The following USP26 variants were observed in gnomAD, a reference collection of about 807,000 sequenced individuals.
USP26 encodes ubiquitin specific peptidase 26.
For synonymous variants in USP26, 236 were observed against 240.6 expected, an observed-to-expected ratio of 0.98 and a Z score of 0.18; for missense variants, 649 against 642.3, an observed-to-expected ratio of 1.01 and a Z score of -0.11.
chrX:133,026,717 T>G lies in USP26; in HGVS notation c.1504A>C (p.Lys502Gln). 8.3e-7 allele frequency: 1 copy of G among 1,210,835 alleles called. No homozygotes were observed. The highest frequency in any genetic ancestry group is 1.1e-6 in the Non-Finnish European group (1 of 895,070). Residue 502 changes from lysine (K) to glutamine (Q), a missense_variant, in exon 6 of 6, where the codon AAG becomes CAG. By Grantham distance (53) the Lys-to-Gln change is moderately conservative. Coordinates refer to ENST00000511190, the MANE Select transcript of USP26 (RefSeq NM_031907.3). ...AATGAGTGCACTCCAACGGAAGTCTTGTGCTCACATTTTGCACATTTATAC... is the reference window on the plus strand; with the variant it reads ...AATGAGTGCACTCCAACGGAAGTCTGGTGCTCACATTTTGCACATTTATAC... ...LEYKCAKCEH[K>Q]TSVGVHSFSR...
At chrX:133,030,925 G>A (rs780173985) in intron 5 of USP26, among the ~76,000 whole-genome samples, 3 of 111,919 alleles carry the variant, frequency 2.7e-5, no homozygotes, top group South Asian at 7.6e-4. Flanking sequence ...TAGAAGGGTC[G>A]TTAGGCTCAA....
intron 5 of USP26, among the ~76,000 whole-genome samples, chrX:133,048,793 G>A (rs1258561838): frequency 1.8e-5 from 2 of 111,329 alleles, no homozygotes; most frequent in East Asian, 2.8e-4. Context: ...TGATCTGCCC[G>A]CCTTGGCCTC....
At chrX:133,079,851 A>T (rs2067563751) in intron 5 of USP26, among the ~76,000 whole-genome samples, 1 of 111,945 alleles carries the variant, frequency 8.9e-6, no homozygotes, top group South Asian at 3.7e-4. Flanking sequence ...AAATTAAGAT[A>T]AAAAATATAG....
chrX:133,067,070 G>C (rs1281636433), intron 5 of USP26, among the ~76,000 whole-genome samples: 1 of 112,092 alleles, frequency 8.9e-6, no homozygotes, highest in African/African-American at 3.2e-5. Flanking sequence ...TGAAGAATAT[G>C]AACAGACAAT....
chrX:133,045,168 T>G lies in USP26; in HGVS notation c.-76-16872A>C, dbSNP rs374235765. ...AGCACTCTGTATCTAGCGCAAGGTT[T>G]GTAAATGCACCAATCAACACTCTGT... On this transcript the variant is annotated intron_variant, in intron 5 of 5. Coordinates refer to ENST00000511190, the MANE Select transcript of USP26 (RefSeq NM_031907.3). Among the ~76,000 whole-genome samples, 8 of 111,787 alleles carry G rather than the reference T, an allele frequency of 7.2e-5. No homozygotes were observed. The East Asian group carries it at 2.3e-3, about 31-fold the overall frequency.
At chrX:133,057,081 AT>A (rs200796771) in intron 5 of USP26, among the ~76,000 whole-genome samples, 4,822 of 107,516 alleles carry the variant, frequency 0.045, 124 homozygotes, top group East Asian at 0.13. Context: ...AAAATGTTTA[AT>A]TTTTTTTTTT....
intron 5 of USP26, among the ~76,000 whole-genome samples, chrX:133,029,970 C>G (rs759487322): frequency 8.9e-6 from 1 of 111,779 alleles, no homozygotes; most frequent in Non-Finnish European, 1.9e-5. Context: ...AAGCTTAAAT[C>G]CTGTTCTTCA....
intron 5 of USP26, among the ~76,000 whole-genome samples, chrX:133,038,139 T>C (rs1331844186): frequency 9.0e-6 from 1 of 111,719 alleles, no homozygotes; most frequent in African/African-American, 3.2e-5. Context: ...TCTCTTCCTA[T>C]TTGAATGCCC....
chrX:133,062,613 C>T (rs936433764), intron 5 of USP26, among the ~76,000 whole-genome samples: 1 of 111,478 alleles, frequency 9.0e-6, no homozygotes, highest in Non-Finnish European at 1.9e-5. Context: ...AATACCCAGG[C>T]AAGTAGGGTC....
intron 5 of USP26, among the ~76,000 whole-genome samples, chrX:133,041,360 C>G (rs2067418530): frequency 9.0e-6 from 1 of 111,414 alleles, no homozygotes; most frequent in East Asian, 2.8e-4. Context: ...GGCTGATGAC[C>G]TTTGGATGGC....
Position 133,077,328 on chromosome X carries a change from A to G in USP26, c.-77+6379T>C, listed in dbSNP as rs769214291. ...AGAACCAAATTTTAACTGCTGGCCC[A>G]ATGTTAAATATAATCCTCCTATATT... On this transcript the variant is annotated intron_variant, in intron 5 of 5. Coordinates refer to ENST00000511190, the MANE Select transcript of USP26 (RefSeq NM_031907.3). 3.6e-5 allele frequency among the ~76,000 whole-genome samples: 4 copies of G among 112,079 alleles called. No homozygotes were observed. In the South Asian group the frequency reaches 1.5e-3, roughly 42 times the overall value.
At chrX:133,046,161 C>A (rs2067439468) in intron 5 of USP26, among the ~76,000 whole-genome samples, 1 of 111,433 alleles carries the variant, frequency 9.0e-6, no homozygotes, top group African/African-American at 3.3e-5. Flanking sequence ...GTGGATCAAT[C>A]AGGGGTTGTT....
chrX:133,082,865 G>C (rs1431709174), intron 5 of USP26, among the ~76,000 whole-genome samples: 1 of 111,595 alleles, frequency 9.0e-6, no homozygotes, highest in East Asian at 2.8e-4. Flanking sequence ...GAGACAGTAG[G>C]GTCAATGCAC....
chrX:133,039,387 G>A (rs2067408899), intron 5 of USP26, among the ~76,000 whole-genome samples: 1 of 112,006 alleles, frequency 8.9e-6, no homozygotes, highest in South Asian at 3.7e-4. Flanking sequence ...TGGTTTCAAA[G>A]GACTTCGTTA....
chrX:133,089,830 A>G (rs2067601275), intron 4 of USP26, among the ~76,000 whole-genome samples: 1 of 112,389 alleles, frequency 8.9e-6, no homozygotes, highest in Non-Finnish European at 1.9e-5. Flanking sequence ...AACTAAGGAT[A>G]GAAAGTTACT....
chrX:133,054,197 C>T (rs1263255158), intron 5 of USP26, among the ~76,000 whole-genome samples: 4 of 111,869 alleles, frequency 3.6e-5, no homozygotes, highest in Non-Finnish European at 7.5e-5. Flanking sequence ...CAGAGATTCT[C>T]AAGAAGTGAC....
chrX:133,034,885 G>A (rs1274043712), intron 5 of USP26, among the ~76,000 whole-genome samples: 3 of 111,334 alleles, frequency 2.7e-5, no homozygotes, highest in Middle Eastern at 4.6e-3. Flanking sequence ...TTTAAAGTAA[G>A]GAAATTCATT....
intron 5 of USP26, among the ~76,000 whole-genome samples, chrX:133,047,633 G>A (rs1018322512): frequency 8.9e-6 from 1 of 111,802 alleles, no homozygotes; most frequent in Admixed American, 9.5e-5. Context: ...TTCAGATGTT[G>A]AAATCCTAAC....
rs35348009 is a variant in USP26 at position 133,025,031 on chromosome X, C to CAA, written c.*446_*447dup. 0.01 allele frequency: 741 copies of CAA among 73,497 alleles called. 5 individuals are homozygous for CAA. The highest frequency in any genetic ancestry group is 0.03 in the African/African-American group (652 of 21,943). The allele number at this position is 73,497 out of a possible 1,213,427, so 6.1% of individuals were successfully genotyped here. On this transcript the variant is annotated 3_prime_UTR_variant, in exon 6 of 6. Transcript: ENST00000511190. ...AGTGAGACCCTGTCTCTGCAAAAAG[C>CAA]AAAAAAAAAAAAAAAAATAGCTAGG... is the stretch of plus-strand genomic sequence containing the variant.
Sources: gnomAD v4.1 joint callset for allele counts (sites outside exome capture counted in the v4.1 genomes callset) on GRCh38, gnomAD v4.1.1 for gene constraint, MANE v1.5 for transcripts, NCBI Gene and HGNC (gene_info 2026-07-23, HGNC 2026-07-21) for gene names.